The following HMGCLL1 variants were observed in gnomAD, a reference collection of about 807,000 sequenced individuals.
HMGCLL1 encodes the protein 3-hydroxymethyl-3-methylglutaryl-CoA lyase, cytoplasmic.
A neutral mutation model predicts 39.1 loss-of-function variants in HMGCLL1; 36 were observed. The observed-to-expected ratio is 0.92, with a 90% CI of 0.71 to 1.22. The LOEUF is 1.22. Ranked by LOEUF, HMGCLL1 falls within the 50% of genes most tolerant of loss-of-function variation. The pLI is 0.00. For missense variants in HMGCLL1, 451 were observed against 416.5 expected (o/e 1.08, Z -0.72); for synonymous variants, 149 against 144.0 (o/e 1.03, Z -0.25).
At chr6:55,662,373 A>G in the HMGCLL1 span, among the ~76,000 whole-genome samples, 3 of 151,614 alleles carry the variant, frequency 2.0e-5, no homozygotes, top group African/African-American at 7.3e-5. Flanking sequence ...ATGCTAGTTT[A>G]CCAAGAGTTT....
At chr6:55,678,066 T>G in the HMGCLL1 span, among the ~76,000 whole-genome samples, 1 of 152,148 alleles carries the variant, frequency 6.6e-6, no homozygotes, top group Non-Finnish European at 1.5e-5. Context: ...CATGCTGAAA[T>G]TAACTATGAG....
the HMGCLL1 span, among the ~76,000 whole-genome samples, chr6:55,654,463 T>G: frequency 6.6e-6 from 1 of 152,082 alleles, no homozygotes; most frequent in East Asian, 1.9e-4. Context: ...AAGTTGCTTA[T>G]GAGCATATAT....
intron 3 of HMGCLL1, among the ~76,000 whole-genome samples, chr6:55,523,609 G>A (rs1156741152): frequency 6.6e-6 from 1 of 151,874 alleles, no homozygotes; most frequent in Non-Finnish European, 1.5e-5. Flanking sequence ...CTTTCAGAAT[G>A]TTGGTGTAAA....
At chr6:55,450,168 G>A (rs1192854106) in intron 7 of HMGCLL1, among the ~76,000 whole-genome samples, 3 of 152,128 alleles carry the variant, frequency 2.0e-5, no homozygotes, top group Admixed American at 6.6e-5. Flanking sequence ...GGTAGAAAAC[G>A]TTTCTCCAAA....
chr6:55,675,234 T>G, the HMGCLL1 span, among the ~76,000 whole-genome samples: 2 of 152,244 alleles, frequency 1.3e-5, no homozygotes, highest in Admixed American at 1.3e-4. Flanking sequence ...AAATTTTATC[T>G]TTGTATACAG....
chr6:55,550,919 G>C (rs1243184100), intron 1 of HMGCLL1, among the ~76,000 whole-genome samples: 1 of 151,438 alleles, frequency 6.6e-6, no homozygotes, highest in African/African-American at 2.4e-5. Flanking sequence ...TTAAGGTTAA[G>C]CCATCCTGAC....
At chr6:55,487,696 T>C (rs1374234518) in intron 7 of HMGCLL1, among the ~76,000 whole-genome samples, 1 of 152,134 alleles carries the variant, frequency 6.6e-6, no homozygotes, top group Non-Finnish European at 1.5e-5. Flanking sequence ...CAGTCTATCA[T>C]TGATCTTTAC....
At chr6:55,596,493 T>C in the HMGCLL1 span, among the ~76,000 whole-genome samples, 1 of 152,044 alleles carries the variant, frequency 6.6e-6, no homozygotes, top group South Asian at 2.1e-4. Context: ...ACAAGCTTAA[T>C]AATGAATATT....
At chr6:55,526,978 ATT>A (rs1206199766) in intron 3 of HMGCLL1, among the ~76,000 whole-genome samples, 2 of 152,056 alleles carry the variant, frequency 1.3e-5, no homozygotes, top group African/African-American at 2.4e-5. Context: ...AGATAGTGAT[ATT>A]AGAAATAAAG....
At position 55,495,493 on chromosome 6, in the gene HMGCLL1, G is replaced by C; in HGVS notation, c.721C>G (p.Pro241Ala). 6.2e-7 allele frequency: 1 copy of C among 1,613,942 alleles called. No individual in the cohort carries two copies. The highest frequency in any genetic ancestry group is 8.5e-7 in the Non-Finnish European group (1 of 1,179,896). ...CAGTGAACAGCAAGAGCACCTGGTG[G>C]GATTTCTTTCATCACACTTTCCAAC... ...RMLESVMKEI[P>A]PGALAVHCHD... The change falls in exon 7 of 9, where the codon CCA (proline) becomes GCA (alanine). Residue 241 changes from proline (P) to alanine (A), a missense_variant. Transcript: ENST00000274901.
At chr6:55,509,042 G>T (rs1038152015) in intron 5 of HMGCLL1, among the ~76,000 whole-genome samples, 1 of 151,808 alleles carries the variant, frequency 6.6e-6, no homozygotes, top group African/African-American at 2.4e-5. Context: ...TGTTGTTCTG[G>T]CACACAGCAG....
At chr6:55,664,883 T>C in the HMGCLL1 span, among the ~76,000 whole-genome samples, 2 of 151,760 alleles carry the variant, frequency 1.3e-5, no homozygotes, top group African/African-American at 2.4e-5. Context: ...CAGCTGGCCT[T>C]TCCTAGAATG....
chr6:55,613,323 G>A, the HMGCLL1 span, among the ~76,000 whole-genome samples: 83 of 152,200 alleles, frequency 5.5e-4, no homozygotes, highest in East Asian at 7.7e-4. Context: ...TGGAGAAATC[G>A]GAGCGTTTTT....
intron 7 of HMGCLL1, among the ~76,000 whole-genome samples, chr6:55,476,882 G>C (rs1465258716): frequency 6.8e-6 from 1 of 146,742 alleles, no homozygotes; most frequent in Non-Finnish European, 1.5e-5. Context: ...GGAGGGGGCA[G>C]AACAGTGGAA....
the HMGCLL1 span, among the ~76,000 whole-genome samples, chr6:55,659,770 T>C: frequency 6.6e-6 from 1 of 151,912 alleles, no homozygotes. Context: ...AGGTTATTCC[T>C]TCCTGAATAC....
intron 7 of HMGCLL1, among the ~76,000 whole-genome samples, chr6:55,471,301 T>C (rs1765035147): frequency 6.6e-6 from 1 of 151,860 alleles, no homozygotes; most frequent in African/African-American, 2.4e-5. Flanking sequence ...TGTGTGAATA[T>C]GGCACAGTTT....
chr6:55,520,526 T>TAGAGTATC (rs1300933656), intron 3 of HMGCLL1, among the ~76,000 whole-genome samples: 1 of 151,926 alleles, frequency 6.6e-6, no homozygotes, highest in Non-Finnish European at 1.5e-5. Flanking sequence ...GAAATCCTGA[T>TAGAGTATC]AGAGTATCAT....
chr6:55,496,796 G>T (rs186565584), intron 6 of HMGCLL1, among the ~76,000 whole-genome samples: 1 of 152,018 alleles, frequency 6.6e-6, no homozygotes, highest in Admixed American at 6.6e-5. Context: ...TCAAGATAAC[G>T]AAAATCAAAA....
the HMGCLL1 span, among the ~76,000 whole-genome samples, chr6:55,645,564 G>A: frequency 6.6e-6 from 1 of 151,888 alleles, no homozygotes; most frequent in Non-Finnish European, 1.5e-5. Context: ...CTATGCTGAG[G>A]TATGTTCCTT....
Sources: gnomAD v4.1 joint callset for allele counts (sites outside exome capture counted in the v4.1 genomes callset) on GRCh38, gnomAD v4.1.1 for gene constraint, MANE v1.5 for transcripts, NCBI Gene and HGNC (gene_info 2026-07-23, HGNC 2026-07-21) for gene names.